Variants in TMEM74 observed in about 807,000 individuals in gnomAD.
TMEM74 encodes transmembrane protein 74.
TMEM74 carries 13 observed loss-of-function variants against 18.1 expected under a neutral mutation model. That is an observed-to-expected ratio of 0.72 (90% CI 0.47 to 1.14). The LOEUF (loss-of-function observed/expected upper bound fraction) is 1.14. Among genes scored for constraint, TMEM74 ranks in the 50% most tolerant of loss-of-function variants. TMEM74 has a pLI of 0.00. For missense variants in TMEM74, 372 were observed against 375.9 expected, an observed-to-expected ratio of 0.99 and a Z score of 0.09; for synonymous variants, 159 against 146.6, an observed-to-expected ratio of 1.08 and a Z score of -0.61.
intron 1 of TMEM74, among the ~76,000 whole-genome samples, chr8:108,721,307 A>C (rs1398869632): frequency 6.6e-6 from 1 of 152,226 alleles, no homozygotes; most frequent in Non-Finnish European, 1.5e-5. Flanking sequence ...CTAGAATCTT[A>C]TCAAATTCCA....
chr8:108,698,350 A>G (rs957379140), intron 1 of TMEM74, among the ~76,000 whole-genome samples: 6 of 152,222 alleles, frequency 3.9e-5, no homozygotes, highest in African/African-American at 1.4e-4. Context: ...GTGAGGCATA[A>G]GGCTTGGGTT....
At chr8:108,767,250 G>C (rs1814118713) in intron 1 of TMEM74, among the ~76,000 whole-genome samples, 1 of 152,140 alleles carries the variant, frequency 6.6e-6, no homozygotes, top group African/African-American at 2.4e-5. Context: ...CAAAAGAGTA[G>C]AGATTCAGCA....
chr8:108,667,921 T>C (rs1812965656), intron 1 of TMEM74, among the ~76,000 whole-genome samples: 2 of 152,156 alleles, frequency 1.3e-5, no homozygotes, highest in African/African-American at 4.8e-5. Flanking sequence ...AACAATGCTG[T>C]CATCTGCTTC....
Position 108,779,344 on chromosome 8 carries a change from C to G in TMEM74, c.*4837G>C, listed in dbSNP as rs1814274569. ...TTTCTTATATGACATTTGTTTGGAG[C>G]CTGGCTAGGAAGCCTGAAGATGGCA... On this transcript the variant is annotated 3_prime_UTR_variant, in exon 2 of 2. Transcript: ENST00000297459. 6.6e-6 allele frequency among the ~76,000 whole-genome samples: 1 copy of G among 152,046 alleles called. No individual in the cohort carries two copies. The highest frequency in any genetic ancestry group is 6.6e-5 in the Admixed American group (1 of 15,250).
intron 1 of TMEM74, among the ~76,000 whole-genome samples, chr8:108,725,258 C>T (rs1369723692): frequency 6.6e-6 from 1 of 152,150 alleles, no homozygotes; most frequent in African/African-American, 2.4e-5. Flanking sequence ...TTTATGATAG[C>T]TCTTAGCACT....
chr8:108,623,388 G>A (rs1469151015), intron 2 of TMEM74, among the ~76,000 whole-genome samples: 1 of 152,084 alleles, frequency 6.6e-6, no homozygotes, highest in African/African-American at 2.4e-5. Flanking sequence ...GCTCAAGGAA[G>A]CTAGTAGTCT....
At chr8:108,663,650 A>G (rs139333828) in intron 1 of TMEM74, among the ~76,000 whole-genome samples, 2 of 152,326 alleles carry the variant, frequency 1.3e-5, no homozygotes, top group African/African-American at 4.8e-5. Flanking sequence ...TTATAAAGAT[A>G]CATGCACGCA....
chr8:108,743,509 CT>C (rs1813821775), intron 1 of TMEM74, among the ~76,000 whole-genome samples: 1 of 152,064 alleles, frequency 6.6e-6, no homozygotes, highest in African/African-American at 2.4e-5. Flanking sequence ...GCAAAGTGTT[CT>C]AGAACTAAAA....
intron 1 of TMEM74, among the ~76,000 whole-genome samples, chr8:108,730,764 C>T (rs1463872917): frequency 6.6e-6 from 1 of 151,708 alleles, no homozygotes; most frequent in East Asian, 1.9e-4. Flanking sequence ...TCCCGAGTAG[C>T]TGGGACTACA....
rs1411682816 is a variant in TMEM74, at chr8:108,657,860, ATATATATATATATATAT to A, written n.120-2440_120-2424del. On this transcript the variant is annotated intron_variant and non_coding_transcript_variant, in intron 1 of 3. Transcript: ENST00000518838. ...ACCGTCTCAAAAAAAAAAAAAAAAAATATATATATATATATATATATATATATATATATATATATATA... is the reference window on the plus strand; with the variant it reads ...ACCGTCTCAAAAAAAAAAAAAAAAAAATATATATATATATATATATATATA... 8.8e-4 allele frequency among the ~76,000 whole-genome samples: 40 copies of A among 45,640 alleles called. 2 individuals are homozygous for A. The highest frequency in any genetic ancestry group is 2.8e-3 in the South Asian group (3 of 1,080). 29.9% of individuals were successfully genotyped at this position (45,640 alleles called of 152,430 possible).
chr8:108,618,412 T>C (rs1247774826), intron 2 of TMEM74, among the ~76,000 whole-genome samples: 1 of 152,180 alleles, frequency 6.6e-6, no homozygotes, highest in Non-Finnish European at 1.5e-5. Flanking sequence ...AAAATCAGTT[T>C]TGCTACAATC....
rs1814270700 is a variant in TMEM74, at chr8:108,779,048, T to C, written c.*5133A>G. 6.6e-6 allele frequency among the ~76,000 whole-genome samples: 1 copy of C among 152,192 alleles called. No individual in the cohort carries two copies. The highest frequency in any genetic ancestry group is 6.6e-5 in the Admixed American group (1 of 15,262). On this transcript the variant is annotated 3_prime_UTR_variant, in exon 2 of 2. Transcript: ENST00000297459. ...TAATTTTAAAAGACCAAATCAGCAT[T>C]ACAGATTCCAATTTAAATTAAGCTT...
In TMEM74 at chr8:108,780,203, G is replaced by C. The variant is rs1261043251; in HGVS notation, c.*3978C>G. Among the ~76,000 whole-genome samples, 1 of 152,098 alleles carries C rather than the reference G, an allele frequency of 6.6e-6. No homozygotes were observed. Among genetic ancestry groups the C allele is most frequent in the Non-Finnish European group, 1.5e-5 (1 of 67,996 alleles). ...TTGTGAATCTTTTTTGTCAGACCAC[G>C]TTTTTTTGATGGCATTAATTGCTGC... On this transcript the variant is annotated 3_prime_UTR_variant, in exon 2 of 2. Coordinates refer to ENST00000297459, the MANE Select transcript of TMEM74 (RefSeq NM_153015.3).
intron 1 of TMEM74, among the ~76,000 whole-genome samples, chr8:108,786,555 A>C (rs532775162): frequency 6.1e-4 from 93 of 152,368 alleles, no homozygotes; most frequent in South Asian, 1.7e-3. Context: ...GTTTAAAACA[A>C]AACAAAAAAA....
At position 108,784,670 on chromosome 8, in the gene TMEM74, A is replaced by T; in HGVS notation, c.429T>A (p.Asn143Lys). 3.1e-6 allele frequency: 5 copies of T among 1,614,008 alleles called. No homozygotes were observed. The highest frequency in any genetic ancestry group is 4.2e-6 in the Non-Finnish European group (5 of 1,179,986). ...HNHPGELGWENPNEWSQEAAI... is the reference protein window; with the variant it reads ...HNHPGELGWEKPNEWSQEAAI... ...CAGCCTCTTGGGACCACTCATTTGG[A>T]TTTTCCCAGCCAAGCTCCCCAGGGT... The change falls in exon 2 of 2, where the codon AAT becomes AAA. Residue 143 changes from asparagine to lysine, a missense_variant. By Grantham distance (94) the Asn-to-Lys change is moderately conservative. Transcript: ENST00000297459.
intron 2 of TMEM74, among the ~76,000 whole-genome samples, chr8:108,627,230 C>T (rs1341747574): frequency 2.0e-5 from 3 of 152,020 alleles, no homozygotes; most frequent in Non-Finnish European, 4.4e-5. Flanking sequence ...TCCTCCCACA[C>T]TTCCAGATGG....
chr8:108,666,881 A>G (rs547249584), intron 1 of TMEM74, among the ~76,000 whole-genome samples: 2 of 152,184 alleles, frequency 1.3e-5, no homozygotes, highest in Non-Finnish European at 2.9e-5. Context: ...TTCTCAGTGC[A>G]GATGAACTCA....
chr8:108,768,899 G>T (rs1413498513), intron 1 of TMEM74, among the ~76,000 whole-genome samples: 2 of 152,132 alleles, frequency 1.3e-5, no homozygotes, highest in Non-Finnish European at 2.9e-5. Flanking sequence ...AATTTCCCAT[G>T]GACCCTTTGA....
At chr8:108,679,640 G>C (rs1206440774) in intron 1 of TMEM74, among the ~76,000 whole-genome samples, 2 of 152,098 alleles carry the variant, frequency 1.3e-5, no homozygotes, top group Non-Finnish European at 2.9e-5. Flanking sequence ...GTAGATTCTG[G>C]ATATTAGCCC....
Sources: gnomAD v4.1 joint callset for allele counts (sites outside exome capture counted in the v4.1 genomes callset) on GRCh38, gnomAD v4.1.1 for gene constraint, MANE v1.5 for transcripts, NCBI Gene and HGNC (gene_info 2026-07-23, HGNC 2026-07-21) for gene names.